THSD4: variants seen among roughly 807,000 people sequenced by gnomAD.
THSD4 encodes the protein thrombospondin type 1 domain containing 4, also known as thrombospondin type-1 domain-containing protein 4.
THSD4 carries 69 observed loss-of-function variants against 119.0 expected under a neutral mutation model. That is an observed-to-expected ratio of 0.58 (90% CI 0.48 to 0.71). The LOEUF (loss-of-function observed/expected upper bound fraction) is 0.71, where lower values mean the gene tolerates loss of function less well. Ranked by LOEUF, THSD4 falls within the 30% of genes least tolerant of loss-of-function variation. The pLI, the probability that THSD4 is intolerant of heterozygous loss-of-function variation, is 0.00. For missense variants in THSD4, 1,393 were observed against 1,391.1 expected (o/e 1.00, Z -0.02); for synonymous variants, 524 against 540.4 (o/e 0.97, Z 0.42).
At chr15:71,629,323 C>T (rs1445418229) in intron 7 of THSD4, among the ~76,000 whole-genome samples, 2 of 152,178 alleles carry the variant, frequency 1.3e-5, no homozygotes, top group Admixed American at 6.5e-5. Context: ...AACTGGGCCT[C>T]ATCTAGGGGG....
chr15:71,275,600 C>T (rs183968807), intron 6 of THSD4, among the ~76,000 whole-genome samples: 210 of 152,262 alleles, frequency 1.4e-3, no homozygotes, highest in African/African-American at 4.2e-3. Flanking sequence ...ATCAGACATT[C>T]TCACCCCACT....
chr15:71,740,624 T>C (rs1262083173), intron 11 of THSD4, among the ~76,000 whole-genome samples: 1 of 152,186 alleles, frequency 6.6e-6, no homozygotes, highest in Non-Finnish European at 1.5e-5. Flanking sequence ...TGGAGCAAAC[T>C]CATAACCAAA....
chr15:71,678,623 G>T (rs1045847308), intron 8 of THSD4, among the ~76,000 whole-genome samples: 3 of 152,200 alleles, frequency 2.0e-5, no homozygotes, highest in African/African-American at 4.8e-5. Flanking sequence ...TTGAAGATAA[G>T]CCTCCTTTCT....
chr15:71,588,939 G>A (rs1036367986), intron 7 of THSD4, among the ~76,000 whole-genome samples: 2 of 152,220 alleles, frequency 1.3e-5, no homozygotes, highest in Admixed American at 6.5e-5. Flanking sequence ...ATGACTGAGT[G>A]TTGACAATTT....
At chr15:71,605,975 A>G (rs2050102881) in intron 7 of THSD4, among the ~76,000 whole-genome samples, 1 of 152,182 alleles carries the variant, frequency 6.6e-6, no homozygotes, top group Non-Finnish European at 1.5e-5. Context: ...GCCTGAGGCT[A>G]CTTGAAGAAA....
rs113331244 is a variant in THSD4 at position 71,424,400 on chromosome 15, T to A, written c.1152+12577T>A. On this transcript the variant is annotated intron_variant, in intron 7 of 17. Coordinates refer to ENST00000261862, the MANE Select transcript of THSD4 (RefSeq NM_024817.3). ...CTTGGTGCAGGGTGATACTCCATTTTTTGACAGGGACTGGAAGGAGTCTAA... is the reference window on the plus strand; with the variant it reads ...CTTGGTGCAGGGTGATACTCCATTTATTGACAGGGACTGGAAGGAGTCTAA... 5.5e-3 allele frequency among the ~76,000 whole-genome samples: 831 copies of A among 152,228 alleles called. 6 individuals carry two copies. The highest frequency in any genetic ancestry group is 0.018 in the African/African-American group (767 of 41,550).
At chr15:71,135,762 A>T (rs932657591) in intron 1 of THSD4, among the ~76,000 whole-genome samples, 2 of 152,110 alleles carry the variant, frequency 1.3e-5, no homozygotes, top group African/African-American at 4.8e-5. Flanking sequence ...CACTCCGCAC[A>T]TCTTGTCCTG....
At chr15:71,166,836 C>A (rs1164360460) in intron 3 of THSD4, among the ~76,000 whole-genome samples, 1 of 152,150 alleles carries the variant, frequency 6.6e-6, no homozygotes, top group Non-Finnish European at 1.5e-5. Context: ...AATTTAAAAA[C>A]TGAGCAAAGT....
intron 7 of THSD4, among the ~76,000 whole-genome samples, chr15:71,413,961 C>T (rs775771100): frequency 1.1e-4 from 16 of 152,216 alleles, no homozygotes; most frequent in Non-Finnish European, 1.8e-4. Context: ...CTAGCTTTAT[C>T]TTTCAGATTC....
chr15:71,618,671 T>G (rs2050365120), intron 7 of THSD4, among the ~76,000 whole-genome samples: 1 of 151,936 alleles, frequency 6.6e-6, no homozygotes, highest in Non-Finnish European at 1.5e-5. Flanking sequence ...CCTCCTGGGC[T>G]CAGGTGATCC....
intron 3 of THSD4, among the ~76,000 whole-genome samples, chr15:71,205,869 CT>C (rs36119455): frequency 6.4e-4 from 84 of 130,816 alleles, no homozygotes; most frequent in Admixed American, 9.5e-4. Context: ...TGGAGATTCT[CT>C]TTTTTTTTTT....
chr15:71,649,853 T>C lies in THSD4; in HGVS notation c.1153-10677T>C, dbSNP rs576467764. 5.3e-5 allele frequency among the ~76,000 whole-genome samples: 8 copies of C among 152,350 alleles called. No homozygotes were observed. The South Asian group carries it at 8.3e-4, about 16-fold the overall frequency. On this transcript the variant is annotated intron_variant, in intron 7 of 17. Coordinates refer to ENST00000261862, the MANE Select transcript of THSD4 (RefSeq NM_024817.3). ...AGTTATGGCAGCAACATTTATTGAC[T>C]AGGGAGTTCTTTCAGTTCTGTGATA...
At chr15:71,420,277 A>G (rs1596420740) in intron 7 of THSD4, among the ~76,000 whole-genome samples, 1 of 108,168 alleles carries the variant, frequency 9.2e-6, no homozygotes, top group East Asian at 3.1e-4. Context: ...TAGTTTGTCT[A>G]AGTATAGCTA....
Position 71,660,822 on chromosome 15 carries a change from C to G in THSD4, c.1357+88C>G, listed in dbSNP as rs539770031. 283 of 1,466,200 alleles carry G rather than the reference C, an allele frequency of 1.9e-4. No individual in the cohort carries two copies. The African/African-American group carries it at 3.4e-3, about 18-fold the overall frequency. The allele number at this position is 1,466,200 out of a possible 1,614,324, so 90.8% of individuals were successfully genotyped here. A position where few individuals can be genotyped will look rare whatever the true frequency, so the allele number is the denominator to read the frequency against. ...ACTGTGAGATAGACACAGCAGTGTC[C>G]GAGAGTCCCGGGGCATGCAGGCAGT... On this transcript the variant is annotated intron_variant, in intron 8 of 17. Coordinates refer to ENST00000261862, the MANE Select transcript of THSD4 (RefSeq NM_024817.3).
In THSD4 at chr15:71,473,131, A is replaced by G. The variant is rs1156323938; in HGVS notation, c.1152+61308A>G. ...GAGTACAATGGTGTGATCCTGGCTC[A>G]CCGCAACCTCTGCCTTGCAGGCGCA... On this transcript the variant is annotated intron_variant, in intron 7 of 17. Transcript: ENST00000261862. Among the ~76,000 whole-genome samples the G allele has an allele frequency of 3.4e-5, 5 of 146,974 alleles. No homozygotes were observed. In the South Asian group the frequency reaches 8.5e-4, roughly 25 times the overall value.
intron 6 of THSD4, among the ~76,000 whole-genome samples, chr15:71,323,330 C>G (rs1271236449): frequency 6.6e-6 from 1 of 152,146 alleles, no homozygotes; most frequent in African/African-American, 2.4e-5. Context: ...ACATAGAAAT[C>G]TCATGTTCGC....
intron 7 of THSD4, among the ~76,000 whole-genome samples, chr15:71,496,364 A>G (rs1165816193): frequency 6.6e-6 from 1 of 152,236 alleles, no homozygotes; most frequent in Non-Finnish European, 1.5e-5. Context: ...CAAGATAATC[A>G]TGGCCTATAG....
chr15:71,752,175 A>G (rs2053459766), intron 14 of THSD4, among the ~76,000 whole-genome samples: 1 of 152,104 alleles, frequency 6.6e-6, no homozygotes, highest in South Asian at 2.1e-4. Flanking sequence ...AGAAAAAACA[A>G]CTCTGTGGGG....
At chr15:71,105,210 T>C (rs2040269585) in intron 1 of THSD4, among the ~76,000 whole-genome samples, 1 of 152,208 alleles carries the variant, frequency 6.6e-6, no homozygotes, top group African/African-American at 2.4e-5. Flanking sequence ...TCTCTAGTAC[T>C]TTTGACCAAC....
Sources: allele counts gnomAD v4.1 joint callset (sites outside exome capture counted in the v4.1 genomes callset), GRCh38; gene constraint gnomAD v4.1.1; transcripts MANE v1.5; gene names NCBI Gene and HGNC (gene_info 2026-07-23, HGNC 2026-07-21).